Variants in DCLK3 observed in about 807,000 individuals in gnomAD.
DCLK3 encodes doublecortin like kinase 3.
In DCLK3, 30 loss-of-function variants were observed where a neutral mutation model predicts 46.4. That is an observed-to-expected ratio of 0.65 (90% CI 0.48 to 0.88). DCLK3 has a LOEUF of 0.88. Among genes scored for constraint, DCLK3 ranks in the 40% least tolerant of loss-of-function variants. DCLK3 has a pLI of 0.00. For synonymous variants in DCLK3, 401 were observed against 339.2 expected, an observed-to-expected ratio of 1.18 and a Z score of -2.00; for missense variants, 846 against 907.1, an observed-to-expected ratio of 0.93 and a Z score of 0.87.
At chr3:36,740,861 G>A (rs1178647311) in intron 1 of DCLK3, among the ~76,000 whole-genome samples, 1 of 152,218 alleles carries the variant, frequency 6.6e-6, no homozygotes, top group Non-Finnish European at 1.5e-5. Flanking sequence ...TGAATCAACT[G>A]TAGCAGAAAC....
At chr3:36,751,667 T>A (rs1701442715) in intron 1 of DCLK3, among the ~76,000 whole-genome samples, 1 of 152,248 alleles carries the variant, frequency 6.6e-6, no homozygotes. Flanking sequence ...GGAGTTGTGG[T>A]TAAGCTTCTT....
At chr3:36,762,676 C>T (rs1701550160) in intron 1 of DCLK3, among the ~76,000 whole-genome samples, 1 of 152,132 alleles carries the variant, frequency 6.6e-6, no homozygotes, top group Non-Finnish European at 1.5e-5. Flanking sequence ...GGCTCTGCCG[C>T]CCAAGGGTCA....
chr3:36,729,831 C>T (rs761382575), intron 2 of DCLK3: 1 of 152,216 alleles, frequency 6.6e-6, no homozygotes, highest in Non-Finnish European at 1.5e-5. Flanking sequence ...AACCAATTCA[C>T]ATTAAAATGC....
At chr3:36,757,761 A>G (rs1701499555) in intron 1 of DCLK3, among the ~76,000 whole-genome samples, 1 of 152,062 alleles carries the variant, frequency 6.6e-6, no homozygotes, top group Non-Finnish European at 1.5e-5. Flanking sequence ...TGGACATCTG[A>G]CACCTGCGGT....
At chr3:36,722,516 A>G (rs1701074161) in intron 2 of DCLK3, among the ~76,000 whole-genome samples, 2 of 152,164 alleles carry the variant, frequency 1.3e-5, no homozygotes, top group African/African-American at 2.4e-5. Flanking sequence ...ATGTACCCTG[A>G]TATGGTTTGG....
At chr3:36,759,336 T>C (rs748375249) in intron 1 of DCLK3, among the ~76,000 whole-genome samples, 1 of 152,140 alleles carries the variant, frequency 6.6e-6, no homozygotes, top group African/African-American at 2.4e-5. Context: ...AAAAGCAACA[T>C]TGCATTCATT....
At chr3:36,725,325 AC>A (rs1701114190) in intron 2 of DCLK3, among the ~76,000 whole-genome samples, 2 of 137,480 alleles carry the variant, frequency 1.5e-5, no homozygotes, top group African/African-American at 5.3e-5. Context: ...AAAAAAAAAA[AC>A]GGGGGGTGGG....
intron 2 of DCLK3, among the ~76,000 whole-genome samples, chr3:36,729,204 G>T (rs1414947676): frequency 6.8e-6 from 1 of 148,054 alleles, no homozygotes; most frequent in African/African-American, 2.5e-5. Context: ...CAGTGTCCCT[G>T]CCTGAGAAAA....
At chr3:36,760,488 A>AG (rs1049644907) in intron 1 of DCLK3, among the ~76,000 whole-genome samples, 3 of 109,678 alleles carry the variant, frequency 2.7e-5, no homozygotes, top group Non-Finnish European at 5.7e-5. Flanking sequence ...GGGTTGGGGG[A>AG]GGGGGGAGGG....
At position 36,715,485 on chromosome 3, in the gene DCLK3, T is replaced by G; in HGVS notation, c.2297A>C (p.Asp766Ala). The G allele has an allele frequency of 6.4e-7, 1 of 1,558,786 alleles. No individual in the cohort carries two copies. Among genetic ancestry groups the G allele is most frequent in the Non-Finnish European group, 8.7e-7 (1 of 1,154,094 alleles). The part of the protein sequence containing the change: ...KDLVSRLLVV[D>A]PKKRYTAHQV... ...ATGAGCTGTGTAGCGCTTTTTGGGG[T>G]CTACCACCAGCAACCGGCTCACCAG... Residue 766 changes from aspartate to alanine, a missense_variant, in exon 5 of 5, where the codon GAC becomes GCC. Physicochemically the swap from Asp to Ala is moderately radical, Grantham distance 126. This residue lies in a region of DCLK3 where 247 missense variants were observed against 322.8 expected (regional missense o/e 0.77). Coordinates refer to ENST00000636136, the MANE Select transcript of DCLK3 (RefSeq NM_001394672.2).
At chr3:36,716,768 T>G (rs139485380) in intron 4 of DCLK3, among the ~76,000 whole-genome samples, 1,785 of 152,336 alleles carry the variant, frequency 0.012, 24 homozygotes, top group Non-Finnish European at 0.019. Context: ...GCACATCCCC[T>G]AGGCCCCATA....
chr3:36,720,617 G>C (rs1575134869), intron 3 of DCLK3, among the ~76,000 whole-genome samples: 1 of 150,218 alleles, frequency 6.7e-6, no homozygotes, highest in East Asian at 2.0e-4. Context: ...CAATTCTCCT[G>C]CCTCAGCCTC....
intron 1 of DCLK3, among the ~76,000 whole-genome samples, chr3:36,750,029 A>G (rs533438347): frequency 1.1e-3 from 171 of 152,204 alleles, no homozygotes; most frequent in African/African-American, 3.9e-3. Context: ...GAAGAAATAA[A>G]TTTCTTTTAC....
intron 1 of DCLK3, among the ~76,000 whole-genome samples, chr3:36,740,122 CTTT>C (rs1179146362): frequency 5.0e-5 from 5 of 99,690 alleles, no homozygotes; most frequent in East Asian, 3.0e-4. Flanking sequence ...ATTTGCATTT[CTTT>C]TTTTTTTTTT....
intron 3 of DCLK3, among the ~76,000 whole-genome samples, chr3:36,719,137 T>G (rs1388438443): frequency 6.6e-6 from 1 of 152,228 alleles, no homozygotes; most frequent in East Asian, 1.9e-4. Context: ...TATTAAATAT[T>G]TGTGCACATG....
intron 2 of DCLK3, among the ~76,000 whole-genome samples, chr3:36,730,867 G>T (rs183500919): frequency 6.6e-6 from 1 of 151,982 alleles, no homozygotes; most frequent in Non-Finnish European, 1.5e-5. Context: ...GATGTGAGGA[G>T]CAAGTTTTCA....
At chr3:36,726,627 C>G (rs1265512802) in intron 2 of DCLK3, among the ~76,000 whole-genome samples, 1 of 152,174 alleles carries the variant, frequency 6.6e-6, no homozygotes, top group Admixed American at 6.5e-5. Flanking sequence ...ATTCTCCCCA[C>G]TTGCTTTGGT....
rs1475142641 is a variant in DCLK3 at position 36,737,078 on chromosome 3, C to A, written c.1959+130G>T. ...ATAACCATAGTTTTAAATACTGGAACAAGTATGTTATAATAACATAAAAGT... is the reference window on the plus strand; with the variant it reads ...ATAACCATAGTTTTAAATACTGGAAAAAGTATGTTATAATAACATAAAAGT... On this transcript the variant is annotated intron_variant, in intron 2 of 4. Transcript: ENST00000636136. The surrounding 1 kb of genome is among the most constrained non-coding windows in gnomAD (Gnocchi z 4.4). 2.9e-5 allele frequency: 38 copies of A among 1,292,292 alleles called. No homozygotes were observed. The highest frequency in any genetic ancestry group is 4.0e-5 in the Non-Finnish European group (38 of 958,860). 80.1% of individuals were successfully genotyped at this position (1,292,292 alleles called of 1,614,324 possible).
chr3:36,762,749 G>T (rs563797893), intron 1 of DCLK3, among the ~76,000 whole-genome samples: 2 of 152,100 alleles, frequency 1.3e-5, no homozygotes, highest in Non-Finnish European at 2.9e-5. Flanking sequence ...GTACCAATAC[G>T]CACCAAGATG....
Sources: allele counts gnomAD v4.1 joint callset (sites outside exome capture counted in the v4.1 genomes callset), GRCh38; gene constraint gnomAD v4.1.1; regional missense constraint gnomAD v4.1.1; non-coding constraint Gnocchi (gnomAD v3.1); transcripts MANE v1.5; gene names NCBI Gene and HGNC (gene_info 2026-07-23, HGNC 2026-07-21).